Variants in WASL observed in about 807,000 individuals in gnomAD.
The protein encoded by WASL is WASP like actin nucleation promoting factor.
Under a neutral mutation model 55.5 loss-of-function variants are expected in WASL, and 20 were observed. The observed-to-expected ratio is 0.36, with a 90% CI of 0.25 to 0.52. WASL has a LOEUF of 0.52. WASL is among the 20% of genes least tolerant of loss of function. WASL has a pLI of 0.92. For missense variants in WASL, 504 were observed against 622.5 expected, an observed-to-expected ratio of 0.81 and a Z score of 2.03; for synonymous variants, 249 against 217.6, an observed-to-expected ratio of 1.14 and a Z score of -1.27.
chr7:123,705,923 TA>T (rs755079118), intron 4 of WASL, among the ~76,000 whole-genome samples: 2 of 152,164 alleles, frequency 1.3e-5, no homozygotes, highest in Non-Finnish European at 2.9e-5. Context: ...AATGCAAAAT[TA>T]AAAGTCAATA....
At chr7:123,708,731 A>C (rs1346582462) in intron 2 of WASL, among the ~76,000 whole-genome samples, 1 of 152,100 alleles carries the variant, frequency 6.6e-6, no homozygotes, top group Non-Finnish European at 1.5e-5. Flanking sequence ...TGTTACCTGA[A>C]CAGACTATCT....
intron 7 of WASL, among the ~76,000 whole-genome samples, chr7:123,695,567 G>T (rs1332131031): frequency 1.3e-5 from 2 of 151,900 alleles, no homozygotes; most frequent in African/African-American, 4.8e-5. Flanking sequence ...TCTTCTCTTG[G>T]CTTTCAAAGC....
chr7:123,733,198 G>T (rs900574788), intron 1 of WASL, among the ~76,000 whole-genome samples: 1 of 152,050 alleles, frequency 6.6e-6, no homozygotes, highest in Non-Finnish European at 1.5e-5. Flanking sequence ...GATTGAGAAG[G>T]AAAAAATAAA....
At chr7:123,737,657 T>C (rs1041540091) in intron 1 of WASL, among the ~76,000 whole-genome samples, 6 of 150,686 alleles carry the variant, frequency 4.0e-5, no homozygotes, top group Non-Finnish European at 8.8e-5. Context: ...ATAAATGGTG[T>C]TGGGACAACT....
chr7:123,738,907 A>C (rs545257891), intron 1 of WASL, among the ~76,000 whole-genome samples: 16 of 152,146 alleles, frequency 1.1e-4, no homozygotes, highest in African/African-American at 2.4e-4. Flanking sequence ...CAAAAAAAAA[A>C]CCCAAAATCT....
intron 5 of WASL, among the ~76,000 whole-genome samples, chr7:123,700,029 A>G (rs1291987817): frequency 6.6e-6 from 1 of 151,908 alleles, no homozygotes; most frequent in South Asian, 2.1e-4. Context: ...ACAAAAAATT[A>G]TCCGGGCATG....
intron 2 of WASL, among the ~76,000 whole-genome samples, chr7:123,707,292 G>A (rs1803686561): frequency 6.6e-6 from 1 of 152,148 alleles, no homozygotes; most frequent in South Asian, 2.1e-4. Flanking sequence ...AGATGTGGGA[G>A]GGTCAAATAT....
chr7:123,739,896 GTGTGTGTGTGTGTGTGTGTA>G (rs1000241832), intron 1 of WASL, among the ~76,000 whole-genome samples: 73 of 55,012 alleles, frequency 1.3e-3, no homozygotes, highest in East Asian at 0.011. Flanking sequence ...GTGTGTGTGT[GTGTGTGTGTGTGTGTGTGTA>G]TATATATATA....
intron 5 of WASL, among the ~76,000 whole-genome samples, chr7:123,700,502 G>A (rs961242998): frequency 1.3e-5 from 2 of 151,162 alleles, no homozygotes; most frequent in East Asian, 3.9e-4. Flanking sequence ...GTGCAATGGC[G>A]CCATCTCGGC....
chr7:123,719,205 T>C (rs1803894864), intron 1 of WASL, among the ~76,000 whole-genome samples: 1 of 152,214 alleles, frequency 6.6e-6, no homozygotes, highest in South Asian at 2.1e-4. Context: ...CAGTGCAAAA[T>C]ATTGGGAAAA....
At chr7:123,684,794 G>C (rs1803261885) in intron 10 of WASL, among the ~76,000 whole-genome samples, 1 of 151,832 alleles carries the variant, frequency 6.6e-6, no homozygotes, top group African/African-American at 2.4e-5. Context: ...AGAAGACAAT[G>C]GTTCTAGTTC....
Position 123,710,019 on chromosome 7 carries a change from T to A in WASL, c.118-796A>T, listed in dbSNP as rs567879978. ...CAATGGACACTTCAGGGCATTAGGA[T>A]TTTCCAGTACACCATGTTGCCCCCT... On this transcript the variant is annotated intron_variant, in intron 1 of 10. Transcript: ENST00000223023. Among the ~76,000 whole-genome samples, 5 of 152,226 alleles carry A rather than the reference T, an allele frequency of 3.3e-5. No homozygotes were observed. The South Asian group carries it at 6.2e-4, about 19-fold the overall frequency.
chr7:123,747,131 T>C (rs1202906652), intron 1 of WASL, among the ~76,000 whole-genome samples: 2 of 152,192 alleles, frequency 1.3e-5, no homozygotes, highest in Admixed American at 6.5e-5. Flanking sequence ...AAAAATACCC[T>C]TCTAAAACAA....
intron 1 of WASL, among the ~76,000 whole-genome samples, chr7:123,740,796 C>T (rs755340898): frequency 1.3e-5 from 2 of 152,068 alleles, no homozygotes; most frequent in Admixed American, 6.6e-5. Flanking sequence ...ATGTTGCCCA[C>T]GCTGGTGGCA....
chr7:123,702,077 G>C (rs1398702011), intron 5 of WASL, among the ~76,000 whole-genome samples: 3 of 150,848 alleles, frequency 2.0e-5, no homozygotes, highest in Admixed American at 6.6e-5. Flanking sequence ...TTTTTGAGAC[G>C]GAGTCTTGCT....
chr7:123,727,486 G>A (rs568124752), intron 1 of WASL, among the ~76,000 whole-genome samples: 2 of 151,954 alleles, frequency 1.3e-5, no homozygotes, highest in Admixed American at 1.3e-4. Context: ...GTAAATTCAT[G>A]GTAAACACTG....
intron 1 of WASL, among the ~76,000 whole-genome samples, chr7:123,736,886 C>T (rs1233571609): frequency 6.6e-6 from 1 of 152,040 alleles, no homozygotes; most frequent in African/African-American, 2.4e-5. Context: ...AAACACTAAG[C>T]ACATGCATAT....
chr7:123,729,551 G>GGAA (rs1203407031), intron 1 of WASL, among the ~76,000 whole-genome samples: 1 of 152,094 alleles, frequency 6.6e-6, no homozygotes, highest in Non-Finnish European at 1.5e-5. Context: ...AGCATTCCAT[G>GGAA]GAAGATTCTT....
chr7:123,722,831 T>A (rs1803974163), intron 1 of WASL, among the ~76,000 whole-genome samples: 1 of 151,902 alleles, frequency 6.6e-6, no homozygotes, highest in African/African-American at 2.4e-5. Flanking sequence ...TAATAATAAT[T>A]ATAACAAAGT....
Sources: allele counts gnomAD v4.1 joint callset (sites outside exome capture counted in the v4.1 genomes callset), GRCh38; gene constraint gnomAD v4.1.1; transcripts MANE v1.5; gene names NCBI Gene and HGNC (gene_info 2026-07-23, HGNC 2026-07-21).